The following ABHD2 variants were observed in gnomAD, a reference collection of about 807,000 sequenced individuals.
ABHD2 encodes the protein monoacylglycerol lipase ABHD2.
In ABHD2, 20 loss-of-function variants were observed where a neutral mutation model predicts 48.1. That is an observed-to-expected ratio of 0.42 (90% confidence interval 0.29 to 0.60). ABHD2 has a LOEUF of 0.60. Ranked by LOEUF, ABHD2 falls within the 20% of genes least tolerant of loss-of-function variation. The pLI is 0.24. For missense variants in ABHD2, 405 were observed against 550.9 expected, an observed-to-expected ratio of 0.74 and a Z score of 2.65; for synonymous variants, 209 against 214.2, an observed-to-expected ratio of 0.98 and a Z score of 0.21.
chr15:89,141,819 T>A (rs545582618), intron 3 of ABHD2, among the ~76,000 whole-genome samples: 2 of 152,330 alleles, frequency 1.3e-5, no homozygotes, highest in African/African-American at 4.8e-5. Flanking sequence ...CTATCAGGAA[T>A]ATCTACCAGG....
the ABHD2 span, among the ~76,000 whole-genome samples, chr15:89,064,027 C>G: frequency 1.3e-5 from 2 of 152,074 alleles, no homozygotes; most frequent in African/African-American, 4.8e-5. Flanking sequence ...TCCCCCAAGC[C>G]CCTGACAACC....
the ABHD2 span, chr15:89,041,226 T>G: frequency 6.6e-6 from 1 of 152,206 alleles, no homozygotes; most frequent in African/African-American, 2.4e-5. Context: ...TGGAGCAGCC[T>G]CAGCTGATGC....
At chr15:89,143,439 G>A (rs963231113) in intron 3 of ABHD2, among the ~76,000 whole-genome samples, 11 of 152,222 alleles carry the variant, frequency 7.2e-5, no homozygotes, top group East Asian at 1.9e-4. Context: ...AGGCCGAGGC[G>A]GGTGGATCAC....
chr15:89,124,266 A>T (rs1333603029), intron 3 of ABHD2, among the ~76,000 whole-genome samples: 1 of 152,186 alleles, frequency 6.6e-6, no homozygotes, highest in African/African-American at 2.4e-5. Flanking sequence ...TTTTCTGCCT[A>T]CTTGTTATAA....
chr15:89,063,904 T>G, the ABHD2 span, among the ~76,000 whole-genome samples: 1 of 152,068 alleles, frequency 6.6e-6, no homozygotes, highest in South Asian at 2.1e-4. Flanking sequence ...AACCACCTTC[T>G]GCTGTGCAGC....
intron 1 of ABHD2, among the ~76,000 whole-genome samples, chr15:89,110,358 G>A (rs532701801): frequency 3.3e-5 from 5 of 152,200 alleles, no homozygotes; most frequent in South Asian, 4.2e-4. Flanking sequence ...CCCTGCACCC[G>A]GCCTTATTGT....
At chr15:89,089,531 T>C (rs1901508006) in intron 1 of ABHD2, among the ~76,000 whole-genome samples, 1 of 152,242 alleles carries the variant, frequency 6.6e-6, no homozygotes, top group Non-Finnish European at 1.5e-5. Context: ...CCAATCTCTC[T>C]TTTTTGGTTG....
chr15:89,098,163 C>T (rs1008529134), intron 1 of ABHD2, among the ~76,000 whole-genome samples: 5 of 152,092 alleles, frequency 3.3e-5, no homozygotes, highest in African/African-American at 4.8e-5. Context: ...TACAGATGTG[C>T]GCCATGGCAC....
At position 89,174,624 on chromosome 15, in the gene ABHD2, A is replaced by C. The variant is rs1214850698; in HGVS notation, c.539-1188A>C. 6.6e-6 allele frequency among the ~76,000 whole-genome samples: 1 copy of C among 152,012 alleles called. No homozygotes were observed. The highest frequency in any genetic ancestry group is 1.9e-4 in the East Asian group (1 of 5,192). On this transcript the variant is annotated intron_variant, in intron 5 of 10. Transcript: ENST00000352732. The surrounding 1 kb of genome is among the most constrained non-coding windows in gnomAD (Gnocchi z 4.1). ...GTTCAACTCTATTAAGAATGCCAAA[A>C]CCTCTGAGCTGGTGCCAAAGTCAAC...
the ABHD2 span, among the ~76,000 whole-genome samples, chr15:89,064,238 T>TTA: frequency 7.5e-6 from 1 of 133,156 alleles, no homozygotes; most frequent in East Asian, 2.1e-4. Context: ...TTTTTTTTTT[T>TTA]ACACGGAGTC....
upstream of ABHD2, among the ~76,000 whole-genome samples, chr15:89,084,738 T>C (rs1394698567): frequency 1.3e-5 from 2 of 152,384 alleles, no homozygotes; most frequent in South Asian, 4.1e-4. The surrounding 1 kb of genome is among the most constrained non-coding windows in gnomAD (Gnocchi z 4.4). Flanking sequence ...CTATAATAGC[T>C]GTGGCAAACA....
the ABHD2 span, among the ~76,000 whole-genome samples, chr15:89,044,997 G>A: frequency 6.6e-6 from 1 of 151,776 alleles, no homozygotes; most frequent in African/African-American, 2.4e-5. Context: ...TGTCCTGAAT[G>A]GTAAAGCCTA....
At position 89,172,032 on chromosome 15, in the gene ABHD2, T is replaced by TAA. The variant is rs113875733; in HGVS notation, c.539-3780_539-3779insAA. On this transcript the variant is annotated intron_variant, in intron 5 of 10. Coordinates refer to ENST00000352732, the MANE Select transcript of ABHD2 (RefSeq NM_152924.5). ...AATAAATATTTTTCCTGCTTTTTTT[T>TAA]TAAAAAAAATCCCCAGGTGATTCTA... Among the ~76,000 whole-genome samples the TAA allele has an allele frequency of 2.1e-4, 31 of 150,478 alleles. No homozygotes were observed. The South Asian group carries it at 2.9e-3, about 14-fold the overall frequency.
chr15:89,071,625 C>T, the ABHD2 span, among the ~76,000 whole-genome samples: 47 of 152,282 alleles, frequency 3.1e-4, no homozygotes, highest in African/African-American at 8.9e-4. Context: ...ATCCCTTATA[C>T]GGCCCACATT....
the ABHD2 span, among the ~76,000 whole-genome samples, chr15:89,060,239 C>A: frequency 6.6e-6 from 1 of 151,788 alleles, no homozygotes; most frequent in African/African-American, 2.4e-5. Flanking sequence ...TACAGGCACC[C>A]ACAACCATGC....
rs984562953 is a variant in ABHD2 at position 89,155,256 on chromosome 15, G to A, written c.371-111G>A. 5 of 1,205,384 alleles carry A rather than the reference G, an allele frequency of 4.1e-6. No homozygotes were observed. The highest frequency in any genetic ancestry group is 4.2e-5 in the Admixed American group (2 of 47,224). 74.7% of individuals were successfully genotyped at this position (1,205,384 alleles called of 1,614,324 possible). On this transcript the variant is annotated intron_variant, in intron 4 of 10. Coordinates refer to ENST00000352732, the MANE Select transcript of ABHD2 (RefSeq NM_152924.5). This position sits in a 1 kb window ranked among gnomAD's most constrained non-coding sequence, Gnocchi z 4.9. ...TTCTTCCCCAGAGAACTGAGTGAAAGATGTATGTTGAATTCCCTCCCCTTG... is the reference window on the plus strand; with the variant it reads ...TTCTTCCCCAGAGAACTGAGTGAAAAATGTATGTTGAATTCCCTCCCCTTG...
the ABHD2 span, among the ~76,000 whole-genome samples, chr15:89,053,124 G>A: frequency 0.65 from 98,778 of 151,750 alleles, 33,752 homozygotes; most frequent in South Asian, 0.86. Context: ...GTGCCACCAC[G>A]CCTGGCCAAT....
In ABHD2 at chr15:89,185,347, C is replaced by A; in HGVS notation, c.723-77C>A. ...CCCTCTCCACACAAGCACCTCACCC[C>A]ATGGCTAGAGCCCCCTCCTGGCTGC... On this transcript the variant is annotated intron_variant, in intron 6 of 10. Transcript: ENST00000352732. The surrounding 1 kb of genome is among the most constrained non-coding windows in gnomAD (Gnocchi z 5.9). 2 of 1,156,716 alleles carry A rather than the reference C, an allele frequency of 1.7e-6. No homozygotes were observed. The highest frequency in any genetic ancestry group is 2.6e-6 in the Non-Finnish European group (2 of 775,516). The allele number at this position is 1,156,716 out of a possible 1,614,324, so 71.7% of individuals were successfully genotyped here.
the ABHD2 span, among the ~76,000 whole-genome samples, chr15:89,057,771 G>T: frequency 1.5e-5 from 2 of 137,554 alleles, no homozygotes; most frequent in Admixed American, 1.4e-4. Flanking sequence ...AAGAAGGAAT[G>T]AAAAAAAAAA....
Sources: gnomAD v4.1 joint callset for allele counts (sites outside exome capture counted in the v4.1 genomes callset) on GRCh38, gnomAD v4.1.1 for gene constraint, Gnocchi (gnomAD v3.1) non-coding constraint, MANE v1.5 for transcripts, NCBI Gene and HGNC (gene_info 2026-07-23, HGNC 2026-07-21) for gene names.